The following PURG variants were observed in gnomAD, a reference collection of about 807,000 sequenced individuals.
PURG encodes purine-rich element-binding protein gamma.
A neutral mutation model predicts 24.3 loss-of-function variants in PURG; 3 were observed. That is an observed-to-expected ratio of 0.12 (90% CI 0.06 to 0.32). PURG has a LOEUF of 0.32. Ranked by LOEUF, PURG falls within the 10% of genes least tolerant of loss-of-function variation. The pLI is 1.00. For missense variants in PURG, 371 were observed against 439.1 expected (o/e 0.84, Z 1.39); for synonymous variants, 180 against 173.1 (o/e 1.04, Z -0.31).
downstream of PURG, among the ~76,000 whole-genome samples, chr8:31,029,922 A>G (rs1278839180): frequency 2.0e-5 from 3 of 151,884 alleles, no homozygotes. Context: ...TTATCTCCTA[A>G]CCTTCAGTTG....
chr8:31,015,505 G>A (rs1810845510), intron 1 of PURG, among the ~76,000 whole-genome samples: 1 of 152,068 alleles, frequency 6.6e-6, no homozygotes, highest in Admixed American at 6.6e-5. Context: ...TGTCATTTGA[G>A]ACGTAAAGGG....
intron 1 of PURG, among the ~76,000 whole-genome samples, chr8:31,008,009 G>A (rs1369241040): frequency 2.0e-5 from 3 of 152,142 alleles, no homozygotes; most frequent in African/African-American, 7.2e-5. Flanking sequence ...TATAGTTAGT[G>A]CTTTTTGTTT....
intron 1 of PURG, among the ~76,000 whole-genome samples, chr8:31,015,514 G>A (rs117558619): frequency 6.6e-6 from 1 of 151,978 alleles, no homozygotes; most frequent in Non-Finnish European, 1.5e-5. Flanking sequence ...AGACGTAAAG[G>A]GTCAACTTTT....
chr8:31,016,179 A>G (rs1810859991), intron 1 of PURG, among the ~76,000 whole-genome samples: 1 of 152,152 alleles, frequency 6.6e-6, no homozygotes, highest in African/African-American at 2.4e-5. Flanking sequence ...TAGGAGTTTG[A>G]CACCAGCCTG....
intron 1 of PURG, among the ~76,000 whole-genome samples, chr8:31,004,863 G>A (rs926216185): frequency 2.6e-5 from 4 of 152,072 alleles, no homozygotes; most frequent in African/African-American, 7.2e-5. Context: ...TGCATATAAC[G>A]CTAATTAAGG....
chr8:31,004,590 C>G (rs1041221908), intron 1 of PURG, among the ~76,000 whole-genome samples: 2 of 152,050 alleles, frequency 1.3e-5, no homozygotes, highest in African/African-American at 2.4e-5. Context: ...TTGCTTGAAC[C>G]AGGGAGGCAG....
At chr8:31,029,713 A>T (rs1393086460), downstream of PURG, among the ~76,000 whole-genome samples, 1 of 151,942 alleles carries the variant, frequency 6.6e-6, no homozygotes, top group African/African-American at 2.4e-5. Context: ...TGACAGGTTG[A>T]TTATTATTAA....
intron 1 of PURG, among the ~76,000 whole-genome samples, chr8:31,010,210 A>C (rs2129796014): frequency 6.6e-6 from 1 of 152,390 alleles, no homozygotes; most frequent in African/African-American, 2.4e-5. Flanking sequence ...TAAATCCTCT[A>C]AACGATATCA....
rs781211586 is a variant in PURG at position 31,032,803 on chromosome 8, CAG to C, written c.-6-17_-6-16del. On this transcript the variant is annotated splice_polypyrimidine_tract_variant and intron_variant, in intron 1 of 1. Transcript: ENST00000523392. The surrounding 1 kb of genome is among the most constrained non-coding windows in gnomAD (Gnocchi z 5.9). ...TCCATCTTCAGCTGCAAGTAACAAA[CAG>C]ACACACGGGATGGGGTGGGGGAGGG... 29 of 1,403,798 alleles carry C rather than the reference CAG, an allele frequency of 2.1e-5. No homozygotes were observed. The highest frequency in any genetic ancestry group is 2.7e-5 in the Non-Finnish European group (29 of 1,075,158). The allele number at this position is 1,403,798 out of a possible 1,614,324, so 87.0% of individuals were successfully genotyped here. A position where few individuals can be genotyped will look rare whatever the true frequency, so the allele number is the denominator to read the frequency against.
chr8:30,999,073 T>C (rs937394402), intron 1 of PURG, among the ~76,000 whole-genome samples: 9 of 151,860 alleles, frequency 5.9e-5, no homozygotes, highest in African/African-American at 1.7e-4. Context: ...TATATGTATA[T>C]ATAAAATAGC....
chr8:31,030,206 A>G (rs367975651), downstream of PURG, among the ~76,000 whole-genome samples: 5 of 152,052 alleles, frequency 3.3e-5, no homozygotes, highest in African/African-American at 1.2e-4. Flanking sequence ...AGCATATAAA[A>G]GAAGAGCTAC....
chr8:31,001,885 G>A (rs1017292307), intron 1 of PURG, among the ~76,000 whole-genome samples: 8 of 152,054 alleles, frequency 5.3e-5, no homozygotes, highest in African/African-American at 1.4e-4. Flanking sequence ...GAATCGCTAT[G>A]GCAAAATCCA....
At chr8:31,006,872 C>G (rs1017271767) in intron 1 of PURG, among the ~76,000 whole-genome samples, 2 of 152,116 alleles carry the variant, frequency 1.3e-5, no homozygotes, top group Non-Finnish European at 2.9e-5. Flanking sequence ...ATTACACATT[C>G]AATATGGTTA....
In PURG at chr8:31,032,931, C is replaced by A. The variant is rs1225042590; in HGVS notation, c.-6-143G>T. 2 of 408,212 alleles carry A rather than the reference C, an allele frequency of 4.9e-6. No individual in the cohort carries two copies. The highest frequency in any genetic ancestry group is 7.0e-6 in the Non-Finnish European group (2 of 286,724). 25.3% of individuals were successfully genotyped at this position (408,212 alleles called of 1,614,324 possible). A position where few individuals can be genotyped will look rare whatever the true frequency, so the allele number is the denominator to read the frequency against. On this transcript the variant is annotated intron_variant, in intron 1 of 1. Transcript: ENST00000523392. This position sits in a 1 kb window ranked among gnomAD's most constrained non-coding sequence, Gnocchi z 5.9. ...TCCCCCGGCGCCGCAGCGCGGGGCTCCAGCCACTGCCGGCCGGTTGGCGGC... is the reference window on the plus strand; with the variant it reads ...TCCCCCGGCGCCGCAGCGCGGGGCTACAGCCACTGCCGGCCGGTTGGCGGC...
Position 31,030,864 on chromosome 8 carries a change from T to C in PURG, c.*875A>G, listed in dbSNP as rs1177363955. 6.6e-6 allele frequency: 1 copy of C among 151,990 alleles called. No homozygotes were observed. Among genetic ancestry groups the C allele is most frequent in the Non-Finnish European group, 1.5e-5 (1 of 67,930 alleles). The allele number at this position is 151,990 out of a possible 1,614,324, so 9.4% of individuals were successfully genotyped here. ...AGTATAACACCTTGAGTCCATGATATATTTTGGGGAAGAAACCTCTTGCAA... is the reference window on the plus strand; with the variant it reads ...AGTATAACACCTTGAGTCCATGATACATTTTGGGGAAGAAACCTCTTGCAA... On this transcript the variant is annotated 3_prime_UTR_variant, in exon 2 of 2. Coordinates refer to ENST00000523392, the MANE Select transcript of PURG (RefSeq NM_001323311.2).
intron 1 of PURG, among the ~76,000 whole-genome samples, chr8:31,007,490 T>A (rs1810676572): frequency 6.6e-6 from 1 of 152,156 alleles, no homozygotes; most frequent in Non-Finnish European, 1.5e-5. Context: ...AGTTGAAGGA[T>A]AAAAACAAAT....
chr8:31,025,849 A>T (rs1012856782), intron 1 of PURG, among the ~76,000 whole-genome samples: 1 of 151,872 alleles, frequency 6.6e-6, no homozygotes, highest in African/African-American at 2.4e-5. Context: ...TCCACCAGAG[A>T]GACAGTTTAG....
At chr8:30,996,728 A>G (rs755879529) in intron 1 of PURG, 1 of 1,525,062 alleles carries the variant, frequency 6.6e-7, no homozygotes, top group Non-Finnish European at 9.1e-7. Flanking sequence ...TGAATTTAGC[A>G]AACATGAAGT....
chr8:31,033,102 G>T lies in PURG; in HGVS notation c.-31C>A. On this transcript the variant is annotated 5_prime_UTR_variant, in exon 1 of 2. Coordinates refer to ENST00000523392, the MANE Select transcript of PURG (RefSeq NM_001323311.2). ...CATCATCTCTGCCATCACCGCCGCCGCCGATGCCCTTCACGACCACCGCCG... is the reference window on the plus strand; with the variant it reads ...CATCATCTCTGCCATCACCGCCGCCTCCGATGCCCTTCACGACCACCGCCG... 4.5e-6 allele frequency: 1 copy of T among 222,478 alleles called. No homozygotes were observed. The highest frequency in any genetic ancestry group is 8.7e-6 in the Non-Finnish European group (1 of 114,584). 13.8% of individuals were successfully genotyped at this position (222,478 alleles called of 1,614,324 possible). A position where few individuals can be genotyped will look rare whatever the true frequency, so the allele number is the denominator to read the frequency against.
Sources: allele counts gnomAD v4.1 joint callset (sites outside exome capture counted in the v4.1 genomes callset), GRCh38; gene constraint gnomAD v4.1.1; non-coding constraint Gnocchi (gnomAD v3.1); transcripts MANE v1.5; gene names NCBI Gene and HGNC (gene_info 2026-07-23, HGNC 2026-07-21).